The following GUCY1A1 variants were observed in gnomAD, a reference collection of about 807,000 sequenced individuals.
GUCY1A1 encodes guanylate cyclase 1 soluble subunit alpha 1, also known as guanylate cyclase soluble subunit alpha-1.
Under a neutral mutation model 64.5 loss-of-function variants are expected in GUCY1A1, and 48 were observed. That is an observed-to-expected ratio of 0.74 (90% CI 0.59 to 0.95). The LOEUF is 0.95. GUCY1A1 is among the 40% of genes least tolerant of loss of function. GUCY1A1 has a pLI of 0.00. For synonymous variants in GUCY1A1, 308 were observed against 303.4 expected, an observed-to-expected ratio of 1.02 and a Z score of -0.16; for missense variants, 804 against 825.3, an observed-to-expected ratio of 0.97 and a Z score of 0.32.
chr4:155,685,603 G>GTTT (rs70954055), intron 2 of GUCY1A1, among the ~76,000 whole-genome samples: 5 of 108,896 alleles, frequency 4.6e-5, no homozygotes, highest in African/African-American at 9.4e-5. Context: ...TTCTCCTTGT[G>GTTT]TTTTTTTTTT....
intron 2 of GUCY1A1, among the ~76,000 whole-genome samples, chr4:155,678,799 C>T: frequency 6.6e-6 from 1 of 152,216 alleles, no homozygotes; most frequent in East Asian, 1.9e-4. Flanking sequence ...CCATTCCCAC[C>T]AGTAATCTGT....
chr4:155,666,885 C>G lies in GUCY1A1; in HGVS notation c.-267C>G, dbSNP rs1327651503. ...CGCTAGAGCAGCGAGCAGCCTGGAA[C>G]AGACCCAGGCGGAGGACACCTGTGG... is the stretch of plus-strand genomic sequence containing the variant. On this transcript the variant is annotated 5_prime_UTR_variant, in exon 1 of 10. Coordinates refer to ENST00000506455, the MANE Select transcript of GUCY1A1 (RefSeq NM_001130682.3). The G allele has an allele frequency of 6.6e-6, 1 of 152,284 alleles. No homozygotes were observed. 9.4% of individuals were successfully genotyped at this position (152,284 alleles called of 1,614,324 possible). A position where few individuals can be genotyped will look rare whatever the true frequency, so the allele number is the denominator to read the frequency against.
intron 4 of GUCY1A1, among the ~76,000 whole-genome samples, chr4:155,706,337 AT>A (rs1355465329): frequency 7.2e-5 from 11 of 152,210 alleles, no homozygotes; most frequent in Non-Finnish European, 1.3e-4. Context: ...TTGTTTAAAG[AT>A]TTTTTACTTC....
intron 4 of GUCY1A1, 113 bp downstream of exon 4, chr4:155,704,106 C>A (rs1017524789): frequency 2.0e-5 from 13 of 640,536 alleles, no homozygotes; most frequent in Non-Finnish European, 3.6e-5. Flanking sequence ...TGTGGTATGT[C>A]AGAAACTGGA....
intron 7 of GUCY1A1, among the ~76,000 whole-genome samples, chr4:155,715,954 G>C (rs1319447581): frequency 2.0e-5 from 3 of 152,158 alleles, no homozygotes; most frequent in Admixed American, 6.5e-5. Context: ...AGGGGTGATT[G>C]CTATTTCTTA....
chr4:155,692,946 CTA>C (rs1729945133), intron 2 of GUCY1A1, among the ~76,000 whole-genome samples: 1 of 152,074 alleles, frequency 6.6e-6, no homozygotes, highest in Non-Finnish European at 1.5e-5. Context: ...GTAATCCCAG[CTA>C]CTTGGGAGGC....
chr4:155,685,603 G>GTTTT (rs70954055), intron 2 of GUCY1A1, among the ~76,000 whole-genome samples: 3 of 108,896 alleles, frequency 2.8e-5, no homozygotes, highest in Non-Finnish European at 3.7e-5. Context: ...TTCTCCTTGT[G>GTTTT]TTTTTTTTTT....
intron 7 of GUCY1A1, among the ~76,000 whole-genome samples, chr4:155,715,573 T>C (rs1334341049): frequency 6.6e-6 from 1 of 152,072 alleles, no homozygotes; most frequent in Non-Finnish European, 1.5e-5. Context: ...CCATATGACG[T>C]GACGAAGGGA....
intron 9 of GUCY1A1, 32 bp downstream of exon 9, chr4:155,722,224 T>C: frequency 3.1e-6 from 5 of 1,597,906 alleles, no homozygotes; most frequent in Non-Finnish European, 4.3e-6. Flanking sequence ...TAAAATCTCT[T>C]GTTTTTATTT....
In GUCY1A1 at chr4:155,729,326, A is replaced by T. The variant is rs193100566; in HGVS notation, c.1872-704A>T. Among the ~76,000 whole-genome samples the T allele has an allele frequency of 2.6e-5, 4 of 151,978 alleles. No homozygotes were observed. In the East Asian group the frequency reaches 7.7e-4, roughly 29 times the overall value. Reference sequence around the variant, plus strand: ...AGGGAAGCAAATGGAAAGAGATGCCAATAGCTTAATCAGTAAGATTAGAAT... The same window carrying T: ...AGGGAAGCAAATGGAAAGAGATGCCTATAGCTTAATCAGTAAGATTAGAAT... On this transcript the variant is annotated intron_variant, in intron 9 of 9. Coordinates refer to ENST00000506455, the MANE Select transcript of GUCY1A1 (RefSeq NM_001130682.3).
At chr4:155,704,847 A>G (rs1731526223) in intron 4 of GUCY1A1, among the ~76,000 whole-genome samples, 1 of 151,840 alleles carries the variant, frequency 6.6e-6, no homozygotes. Flanking sequence ...CTCCCAAAAA[A>G]CTGAGATTAA....
At chr4:155,692,682 G>C (rs943239401) in intron 2 of GUCY1A1, among the ~76,000 whole-genome samples, 1 of 152,192 alleles carries the variant, frequency 6.6e-6, no homozygotes, top group Non-Finnish European at 1.5e-5. Flanking sequence ...GCCAGAGAGT[G>C]TGGTAAGGGG....
chr4:155,735,629 A>T lies in GUCY1A1; in HGVS notation c.*5398A>T, dbSNP rs762927082. On this transcript the variant is annotated 3_prime_UTR_variant, in exon 10 of 10. Transcript: ENST00000506455. ...ATTACTTGGCTGAAAATGACTTTGCATAATGCCCAAATCTTGAAGTATCTG... is the reference window on the plus strand; with the variant it reads ...ATTACTTGGCTGAAAATGACTTTGCTTAATGCCCAAATCTTGAAGTATCTG... 2.0e-5 allele frequency: 3 copies of T among 152,024 alleles called. No homozygotes were observed. The highest frequency in any genetic ancestry group is 1.9e-4 in the East Asian group (1 of 5,162). The allele number at this position is 152,024 out of a possible 1,614,324, so 9.4% of individuals were successfully genotyped here.
intron 2 of GUCY1A1, among the ~76,000 whole-genome samples, chr4:155,681,773 A>AAAGGAGTTT (rs1735809860): frequency 1.3e-5 from 2 of 152,172 alleles, no homozygotes; most frequent in Non-Finnish European, 2.9e-5. Flanking sequence ...TCTTGATCTT[A>AAAGGAGTTT]AACAGTTTTA....
chr4:155,714,318 T>C (rs1732958497), intron 7 of GUCY1A1, among the ~76,000 whole-genome samples: 1 of 152,212 alleles, frequency 6.6e-6, no homozygotes. Context: ...ATAATCTTCA[T>C]GAACAGGATT....
intron 2 of GUCY1A1, among the ~76,000 whole-genome samples, chr4:155,672,234 A>G (rs1256152779): frequency 2.6e-5 from 4 of 152,144 alleles, no homozygotes; most frequent in African/African-American, 9.6e-5. Flanking sequence ...TTGATACAGA[A>G]TAGCCATTTT....
At chr4:155,704,656 G>C (rs936286573) in intron 4 of GUCY1A1, among the ~76,000 whole-genome samples, 1 of 151,968 alleles carries the variant, frequency 6.6e-6, no homozygotes, top group Non-Finnish European at 1.5e-5. Context: ...TTTTTTTCTA[G>C]TATTCTTTGA....
chr4:155,702,324 C>T (rs1185822591), intron 3 of GUCY1A1, among the ~76,000 whole-genome samples: 1 of 151,450 alleles, frequency 6.6e-6, no homozygotes, highest in East Asian at 1.9e-4. Flanking sequence ...GATTTGTATC[C>T]ACATTGATAC....
chr4:155,722,002 A>G (rs1734021689), intron 8 of GUCY1A1, 36 bp from the exon 9 acceptor site: 2 of 1,390,414 alleles, frequency 1.4e-6, no homozygotes, highest in South Asian at 1.2e-5. Context: ...GTGTTTTACC[A>G]GTGACTGGGA....
Sources: allele counts gnomAD v4.1 joint callset (sites outside exome capture counted in the v4.1 genomes callset), GRCh38; gene constraint gnomAD v4.1.1; transcripts MANE v1.5; gene names NCBI Gene and HGNC (gene_info 2026-07-23, HGNC 2026-07-21).